Variants in DLGAP2 observed in about 807,000 individuals in gnomAD.
DLGAP2 encodes the protein DLG associated protein 2.
Under a neutral mutation model 100.3 loss-of-function variants are expected in DLGAP2, and 26 were observed. That is an observed-to-expected ratio of 0.26 (90% CI 0.19 to 0.36). The LOEUF (loss-of-function observed/expected upper bound fraction) is 0.36, where lower values mean the gene tolerates loss of function less well. DLGAP2 is among the 10% of genes least tolerant of loss of function. The pLI is 1.00. For missense variants in DLGAP2, 1,858 were observed against 1,453.2 expected (o/e 1.28, Z -4.53); for synonymous variants, 886 against 630.1 (o/e 1.41, Z -6.08).
intron 3 of DLGAP2, among the ~76,000 whole-genome samples, chr8:1,445,606 G>C (rs540024324): frequency 3.3e-5 from 5 of 152,202 alleles, no homozygotes; most frequent in South Asian, 2.1e-4. Flanking sequence ...TATATACCCA[G>C]TAATGGGATG....
At chr8:1,189,175 C>T (rs183869689) in intron 2 of DLGAP2, among the ~76,000 whole-genome samples, 5 of 124,150 alleles carry the variant, frequency 4.0e-5, no homozygotes, top group African/African-American at 5.7e-5. Flanking sequence ...GGCCCCAGGC[C>T]GATTCCGCGG....
intron 2 of DLGAP2, among the ~76,000 whole-genome samples, chr8:1,147,073 A>G (rs1157749893): frequency 1.3e-5 from 2 of 152,328 alleles, no homozygotes; most frequent in Admixed American, 6.5e-5. Flanking sequence ...GTAAATTAAA[A>G]TTTGGACATT....
At chr8:1,412,468 G>A (rs1796759553) in intron 3 of DLGAP2, among the ~76,000 whole-genome samples, 1 of 152,188 alleles carries the variant, frequency 6.6e-6, no homozygotes, top group East Asian at 1.9e-4. Context: ...CACGAATTCA[G>A]TGCTGAAATA....
intron 2 of DLGAP2, among the ~76,000 whole-genome samples, chr8:998,896 G>A (rs1800862478): frequency 6.6e-6 from 1 of 152,088 alleles, no homozygotes; most frequent in African/African-American, 2.4e-5. Context: ...AGGGGCCTGG[G>A]TTTCTGTTTC....
intron 2 of DLGAP2, among the ~76,000 whole-genome samples, chr8:1,195,141 C>T (rs1797723896): frequency 6.6e-6 from 1 of 152,238 alleles, no homozygotes; most frequent in Admixed American, 6.5e-5. Flanking sequence ...CCCCTGGTCG[C>T]AAAGGCGTCA....
chr8:1,513,390 G>A (rs547926121), intron 4 of DLGAP2, among the ~76,000 whole-genome samples: 54 of 148,902 alleles, frequency 3.6e-4, no homozygotes, highest in African/African-American at 1.3e-3. Flanking sequence ...GTGCAGAGGA[G>A]GAAGGGAGAG....
intron 3 of DLGAP2, among the ~76,000 whole-genome samples, chr8:1,294,116 C>T (rs1463183883): frequency 1.3e-5 from 2 of 151,998 alleles, no homozygotes; most frequent in Non-Finnish European, 2.9e-5. Context: ...GCAGGTGGTC[C>T]CTCAGGGCAG....
chr8:1,065,802 T>C (rs1316990108), intron 2 of DLGAP2, among the ~76,000 whole-genome samples: 1 of 152,144 alleles, frequency 6.6e-6, no homozygotes. Flanking sequence ...CCCCAAATAG[T>C]TCTGTAGGAT....
chr8:1,123,667 A>G (rs1796100265), intron 2 of DLGAP2, among the ~76,000 whole-genome samples: 1 of 151,998 alleles, frequency 6.6e-6, no homozygotes, highest in East Asian at 1.9e-4. Flanking sequence ...TCTATGCACA[A>G]CCTCTTTTTC....
chr8:1,317,486 G>A (rs1800785604), intron 3 of DLGAP2, among the ~76,000 whole-genome samples: 1 of 141,226 alleles, frequency 7.1e-6, no homozygotes. Context: ...CTCCAACAGT[G>A]GTCTACACTC....
intron 2 of DLGAP2, among the ~76,000 whole-genome samples, chr8:1,048,523 C>T (rs942386345): frequency 6.6e-6 from 1 of 151,708 alleles, no homozygotes; most frequent in African/African-American, 2.4e-5. Context: ...CCGCAAGGCC[C>T]CTGCTGTGCA....
chr8:816,261 C>G (rs1427240477), intron 1 of DLGAP2, among the ~76,000 whole-genome samples: 1 of 136,436 alleles, frequency 7.3e-6, no homozygotes, highest in East Asian at 2.2e-4. Context: ...CTATTTGTTT[C>G]CTGAATACCT....
At chr8:1,267,063 C>G (rs200224194) in intron 3 of DLGAP2, among the ~76,000 whole-genome samples, 2 of 151,644 alleles carry the variant, frequency 1.3e-5, no homozygotes, top group Admixed American at 6.6e-5. Flanking sequence ...CCTGTCTCTA[C>G]TAAAAATACA....
At chr8:1,631,740 TGA>T (rs1797652505) in intron 7 of DLGAP2, among the ~76,000 whole-genome samples, 2 of 152,224 alleles carry the variant, frequency 1.3e-5, no homozygotes, top group Admixed American at 6.5e-5. Flanking sequence ...GGGTCCATGC[TGA>T]GTTAGGCTCA....
chr8:1,424,737 C>T (rs185873619), intron 3 of DLGAP2, among the ~76,000 whole-genome samples: 205 of 152,306 alleles, frequency 1.3e-3, no homozygotes, highest in African/African-American at 4.8e-3. Flanking sequence ...GTGTGATCCC[C>T]TTACACGCAG....
At chr8:1,361,619 C>G (rs1022772186) in intron 3 of DLGAP2, among the ~76,000 whole-genome samples, 1 of 152,242 alleles carries the variant, frequency 6.6e-6, no homozygotes. Flanking sequence ...CTCACTGCAT[C>G]GTTTAAACGG....
intron 3 of DLGAP2, among the ~76,000 whole-genome samples, chr8:1,474,563 C>T (rs1798882475): frequency 6.6e-6 from 1 of 152,114 alleles, no homozygotes; most frequent in African/African-American, 2.4e-5. Flanking sequence ...TTGATTATGA[C>T]CAATGAGTAG....
intron 1 of DLGAP2, among the ~76,000 whole-genome samples, chr8:822,755 G>A (rs927424866): frequency 6.6e-6 from 1 of 152,266 alleles, no homozygotes; most frequent in East Asian, 1.9e-4. Flanking sequence ...CACAGGCCTG[G>A]GCGTGGTGAG....
chr8:1,357,671 C>T (rs753894963), intron 3 of DLGAP2, among the ~76,000 whole-genome samples: 11 of 152,300 alleles, frequency 7.2e-5, no homozygotes, highest in East Asian at 1.9e-4. Flanking sequence ...TTGTCTCTGA[C>T]GGATTTTAAG....
Sources: gnomAD v4.1 joint callset for allele counts (sites outside exome capture counted in the v4.1 genomes callset) on GRCh38, gnomAD v4.1.1 for gene constraint, MANE v1.5 for transcripts, NCBI Gene and HGNC (gene_info 2026-07-23, HGNC 2026-07-21) for gene names.